Variants in RBFOX1 observed in about 807,000 individuals in gnomAD.
RBFOX1 encodes the protein RNA binding protein fox-1 homolog 1.
A neutral mutation model predicts 57.7 loss-of-function variants in RBFOX1; 8 were observed. The observed-to-expected ratio is 0.14, with a 90% CI of 0.08 to 0.25. The LOEUF (loss-of-function observed/expected upper bound fraction) is 0.25. Among genes scored for constraint, RBFOX1 ranks in the 10% least tolerant of loss-of-function variants. RBFOX1 has a pLI of 1.00. For synonymous variants in RBFOX1, 326 were observed against 222.4 expected (o/e 1.47, Z -4.15); for missense variants, 611 against 548.5 (o/e 1.11, Z -1.14).
intron 3 of RBFOX1, among the ~76,000 whole-genome samples, chr16:7,028,082 C>T (rs150481779): frequency 2.0e-5 from 3 of 152,106 alleles, no homozygotes; most frequent in Non-Finnish European, 2.9e-5. Flanking sequence ...AACGTGGTTT[C>T]TCATTTGCCT....
At chr16:6,669,946 C>T (rs951261380) in intron 3 of RBFOX1, among the ~76,000 whole-genome samples, 10 of 152,200 alleles carry the variant, frequency 6.6e-5, no homozygotes, top group African/African-American at 2.4e-4. Flanking sequence ...AACTTACAAA[C>T]TTCAAGTCCA....
chr16:6,592,355 A>T (rs1043206681), intron 2 of RBFOX1, among the ~76,000 whole-genome samples: 3 of 152,172 alleles, frequency 2.0e-5, no homozygotes, highest in Non-Finnish European at 4.4e-5. Flanking sequence ...TTAGCTATCC[A>T]CAAAGGGTCT....
intron 4 of RBFOX1, among the ~76,000 whole-genome samples, chr16:5,879,505 T>C (rs1306076356): frequency 1.3e-5 from 2 of 152,156 alleles, no homozygotes; most frequent in East Asian, 3.9e-4. Context: ...AATTTTTGTA[T>C]TTTTCGTGGA....
At chr16:7,396,184 C>G (rs1355972509) in intron 4 of RBFOX1, among the ~76,000 whole-genome samples, 1 of 152,114 alleles carries the variant, frequency 6.6e-6, no homozygotes, top group Non-Finnish European at 1.5e-5. Flanking sequence ...CTTCTTTTCC[C>G]TGGAGTTAGC....
chr16:7,706,483 G>A (rs913143981), intron 14 of RBFOX1, among the ~76,000 whole-genome samples: 3 of 152,198 alleles, frequency 2.0e-5, no homozygotes, highest in Admixed American at 6.5e-5. Flanking sequence ...AGGAAAAGGT[G>A]GGAGCTACGC....
intron 3 of RBFOX1, among the ~76,000 whole-genome samples, chr16:7,029,306 G>A (rs920297789): frequency 2.1e-5 from 3 of 143,740 alleles, no homozygotes; most frequent in Non-Finnish European, 3.0e-5. Context: ...ATACGTATAT[G>A]TATATATATA....
chr16:7,286,339 C>T (rs1000959255), intron 4 of RBFOX1, among the ~76,000 whole-genome samples: 1 of 151,998 alleles, frequency 6.6e-6, no homozygotes, highest in African/African-American at 2.4e-5. Flanking sequence ...TGCAGGATCC[C>T]AAGGGTCTAG....
intron 2 of RBFOX1, among the ~76,000 whole-genome samples, chr16:6,527,047 C>T (rs565657333): frequency 1.3e-5 from 2 of 151,926 alleles, no homozygotes; most frequent in Admixed American, 6.6e-5. Context: ...AGCCGCCTCC[C>T]AAAAGAATTT....
Position 6,562,809 on chromosome 16 carries a change from C to T in RBFOX1, c.-63-91794C>T, listed in dbSNP as rs150499564. ...CTATATTTTGAGTCTGTGTAAGCAA[C>T]TGCAGGCCTTGATTCTTGATTCTTT... On this transcript the variant is annotated intron_variant, in intron 2 of 15. Coordinates refer to ENST00000550418, the MANE Select transcript of RBFOX1 (RefSeq NM_018723.4). 2.9e-3 allele frequency among the ~76,000 whole-genome samples: 427 copies of T among 147,550 alleles called. 1 individual carries two copies. The highest frequency in any genetic ancestry group is 4.0e-3 in the Non-Finnish European group (270 of 67,052).
rs543767332 is a variant in RBFOX1, at chr16:6,873,147, C to G, written c.-15-178910C>G. 3.1e-4 allele frequency among the ~76,000 whole-genome samples: 47 copies of G among 150,276 alleles called. 1 individual carries two copies. The East Asian group carries it at 8.6e-3, about 27-fold the overall frequency. ...TATGCATTGGAAAAAAAAAAAAAAG[C>G]TCTATAGCAGACTTTCCTCCTGAAG... On this transcript the variant is annotated intron_variant, in intron 3 of 15. Transcript: ENST00000550418.
chr16:5,880,563 C>A (rs1004254195), intron 4 of RBFOX1, among the ~76,000 whole-genome samples: 3 of 152,118 alleles, frequency 2.0e-5, no homozygotes, highest in Non-Finnish European at 2.9e-5. Context: ...TTTGTAGATG[C>A]ATTATTAGAG....
intron 14 of RBFOX1, among the ~76,000 whole-genome samples, chr16:7,706,478 A>G (rs1297246527): frequency 6.6e-6 from 1 of 152,244 alleles, no homozygotes; most frequent in Non-Finnish European, 1.5e-5. Context: ...GCAGTAGGAA[A>G]AGGTGGGAGC....
At chr16:6,077,001 A>T (rs1281613103) in intron 1 of RBFOX1, among the ~76,000 whole-genome samples, 1 of 152,180 alleles carries the variant, frequency 6.6e-6, no homozygotes, top group Non-Finnish European at 1.5e-5. Context: ...CTTGACAGCC[A>T]ATATCTAGCC....
At chr16:6,317,543 CA>C (rs34505828) in intron 2 of RBFOX1, among the ~76,000 whole-genome samples, 77,102 of 148,788 alleles carry the variant, frequency 0.52, 20,676 homozygotes, top group Middle Eastern at 0.69. Flanking sequence ...AAAATTACTG[CA>C]AAAAAAAAAG....
intron 5 of RBFOX1, among the ~76,000 whole-genome samples, chr16:7,548,776 G>A (rs1245256366): frequency 1.3e-5 from 2 of 152,202 alleles, no homozygotes; most frequent in Admixed American, 1.3e-4. Flanking sequence ...GTTTGCCTCT[G>A]TCTGGAGTTG....
intron 2 of RBFOX1, among the ~76,000 whole-genome samples, chr16:6,558,078 C>T (rs930095009): frequency 6.6e-6 from 1 of 152,088 alleles, no homozygotes; most frequent in African/African-American, 2.4e-5. Context: ...CTATGTTAGT[C>T]ACTTAAATTA....
intron 3 of RBFOX1, among the ~76,000 whole-genome samples, chr16:6,981,485 C>T (rs1288197523): frequency 6.6e-6 from 1 of 152,088 alleles, no homozygotes; most frequent in African/African-American, 2.4e-5. Flanking sequence ...ATTCTTTATC[C>T]AGTGTATTAG....
intron 4 of RBFOX1, among the ~76,000 whole-genome samples, chr16:5,972,051 C>T (rs140017637): frequency 6.6e-6 from 1 of 152,356 alleles, no homozygotes; most frequent in East Asian, 1.9e-4. Context: ...TGGGCTCTTT[C>T]TGGGTCTGCA....
intron 1 of RBFOX1, among the ~76,000 whole-genome samples, chr16:6,088,458 C>T (rs780345234): frequency 2.6e-5 from 4 of 152,088 alleles, no homozygotes; most frequent in Admixed American, 6.6e-5. Flanking sequence ...ATTAATCATT[C>T]ACTTTCCTAT....
Sources: gnomAD v4.1 joint callset for allele counts (sites outside exome capture counted in the v4.1 genomes callset) on GRCh38, gnomAD v4.1.1 for gene constraint, MANE v1.5 for transcripts, NCBI Gene and HGNC (gene_info 2026-07-23, HGNC 2026-07-21) for gene names.